SIAH3: variants seen among roughly 807,000 people sequenced by gnomAD.
SIAH3 encodes seven in absentia homolog 3.
SIAH3 carries 9 observed loss-of-function variants against 12.6 expected under a neutral mutation model. The observed-to-expected ratio is 0.72, with a 90% CI of 0.43 to 1.25. SIAH3 has a LOEUF of 1.25. Among genes scored for constraint, SIAH3 ranks in the 50% most tolerant of loss-of-function variants. The probability of loss-of-function intolerance (pLI) is 0.00; values close to 1 mark genes in which losing one functional copy is unlikely to be tolerated. For synonymous variants in SIAH3, 154 were observed against 151.1 expected, an observed-to-expected ratio of 1.02 and a Z score of -0.14; for missense variants, 390 against 365.4, an observed-to-expected ratio of 1.07 and a Z score of -0.55.
chr13:45,801,330 C>A (rs916221392), intron 1 of SIAH3, among the ~76,000 whole-genome samples: 2 of 152,218 alleles, frequency 1.3e-5, no homozygotes, highest in East Asian at 1.9e-4. Context: ...GAGAGGTGAG[C>A]ACTCCTGGAA....
chr13:45,838,564 C>T (rs1034569685), intron 1 of SIAH3, among the ~76,000 whole-genome samples: 2 of 152,228 alleles, frequency 1.3e-5, no homozygotes, highest in East Asian at 1.9e-4. Flanking sequence ...CAGGCCACCA[C>T]GCTGGGGGGC....
At chr13:45,795,911 T>A (rs1950560906) in intron 1 of SIAH3, among the ~76,000 whole-genome samples, 1 of 150,162 alleles carries the variant, frequency 6.7e-6, no homozygotes, top group South Asian at 2.1e-4. Flanking sequence ...GAGCTACTGC[T>A]ATACCCAACA....
chr13:45,798,634 C>G (rs1295390472), intron 1 of SIAH3, among the ~76,000 whole-genome samples: 2 of 152,190 alleles, frequency 1.3e-5, no homozygotes, highest in Non-Finnish European at 2.9e-5. Context: ...TTAGAACCGT[C>G]CAGATGAGGC....
At chr13:45,784,246 T>TG (rs567580658) in intron 1 of SIAH3, among the ~76,000 whole-genome samples, 189 bp from the exon 2 acceptor site, 2 of 151,062 alleles carry the variant, frequency 1.3e-5, no homozygotes, top group African/African-American at 2.4e-5. Context: ...CGCCTTGGGG[T>TG]GGGGGGTGTT....
chr13:45,798,827 C>G (rs533603165), intron 1 of SIAH3, among the ~76,000 whole-genome samples: 2 of 152,334 alleles, frequency 1.3e-5, no homozygotes, highest in African/African-American at 4.8e-5. Context: ...CAAAGTTTAT[C>G]TTTAAACTGG....
At chr13:45,834,369 A>C (rs181443105) in intron 1 of SIAH3, among the ~76,000 whole-genome samples, 1 of 152,314 alleles carries the variant, frequency 6.6e-6, no homozygotes, top group Admixed American at 6.5e-5. Flanking sequence ...AATCACACAG[A>C]CCTGCTTACT....
intron 1 of SIAH3, among the ~76,000 whole-genome samples, chr13:45,845,715 T>A (rs932286561): frequency 2.6e-5 from 4 of 152,204 alleles, no homozygotes; most frequent in East Asian, 3.8e-4. Context: ...TTAAAATTTT[T>A]AAATTTTTTT....
chr13:45,846,281 G>A (rs1265648372), intron 1 of SIAH3, among the ~76,000 whole-genome samples: 1 of 151,770 alleles, frequency 6.6e-6, no homozygotes, highest in African/African-American at 2.4e-5. Flanking sequence ...GTAGAGTGTG[G>A]GTTTTACCAT....
intron 1 of SIAH3, among the ~76,000 whole-genome samples, chr13:45,847,973 G>T (rs930194017): frequency 1.3e-5 from 2 of 152,112 alleles, no homozygotes; most frequent in Admixed American, 6.6e-5. Flanking sequence ...TGGGGCAAAA[G>T]AAGGCAGGGC....
rs2137542855 is a variant in SIAH3, at chr13:45,777,991, T to C, written c.*5392A>G. On this transcript the variant is annotated 3_prime_UTR_variant, in exon 2 of 2. Coordinates refer to ENST00000400405, the MANE Select transcript of SIAH3 (RefSeq NM_198849.3). ...GCCCCAGATTTAGAAAGAGTATTGG[T>C]CTGGGTAGGCTATGGATTGTGAACA... 1 of 152,292 alleles carries C rather than the reference T, an allele frequency of 6.6e-6. No homozygotes were observed. Among genetic ancestry groups the C allele is most frequent in the South Asian group, 2.1e-4 (1 of 4,826 alleles). The allele number at this position is 152,292 out of a possible 1,614,324, so 9.4% of individuals were successfully genotyped here.
At chr13:45,836,078 C>T (rs905251954) in intron 1 of SIAH3, among the ~76,000 whole-genome samples, 40 of 152,212 alleles carry the variant, frequency 2.6e-4, no homozygotes, top group African/African-American at 8.7e-4. Context: ...GATAGGGACA[C>T]GGATATGCAA....
rs1950514632 is a variant in SIAH3, at chr13:45,783,739, CG to C, written c.453del (p.Ala152ArgfsTer20). On this transcript the variant is annotated frameshift_variant, in exon 2 of 2. Coordinates refer to ENST00000400405, the MANE Select transcript of SIAH3 (RefSeq NM_198849.3). LOFTEE classifies it high-confidence loss of function. ...IVFLATDMHL[P>X]APADWIIMHS... ...TGCATGATGATCCAATCAGCCGGCG[CG>C]GGGAGGTGCATGTCCGTGGCCAGGA... 4.3e-6 allele frequency: 7 copies of C among 1,614,018 alleles called. No individual in the cohort carries two copies. Among genetic ancestry groups the C allele is most frequent in the Non-Finnish European group, 8.5e-7 (1 of 1,180,012 alleles).
At chr13:45,831,557 G>A (rs1950699334) in intron 1 of SIAH3, among the ~76,000 whole-genome samples, 2 of 152,196 alleles carry the variant, frequency 1.3e-5, no homozygotes, top group East Asian at 3.8e-4. Context: ...GGAAGCTATG[G>A]TGGGCAAGGC....
intron 1 of SIAH3, among the ~76,000 whole-genome samples, chr13:45,804,340 T>G (rs1030889404): frequency 6.6e-6 from 1 of 152,148 alleles, no homozygotes; most frequent in African/African-American, 2.4e-5. Flanking sequence ...ACATATTATA[T>G]AATTCTATTT....
In SIAH3 at chr13:45,851,481, A is replaced by T; in HGVS notation, c.135+14T>A. On this transcript the variant is annotated intron_variant, in intron 1 of 1. Coordinates refer to ENST00000400405, the MANE Select transcript of SIAH3 (RefSeq NM_198849.3). ...ACCTGAGCCCGGTGAAGGTAAAATG[A>T]CACAGAGACTCACCTTTAGGTTGTG... 1 of 1,613,864 alleles carries T rather than the reference A, an allele frequency of 6.2e-7. No individual in the cohort carries two copies. Among genetic ancestry groups the T allele is most frequent in the Non-Finnish European group, 8.5e-7 (1 of 1,179,904 alleles).
chr13:45,839,396 G>T (rs7986424), intron 1 of SIAH3, among the ~76,000 whole-genome samples: 22,534 of 151,994 alleles, frequency 0.15, 2,933 homozygotes, highest in East Asian at 0.39. Flanking sequence ...TTTCAGACAT[G>T]TTTGTCCACC....
intron 1 of SIAH3, among the ~76,000 whole-genome samples, chr13:45,815,236 A>C (rs1950630171): frequency 6.6e-6 from 1 of 152,046 alleles, no homozygotes; most frequent in African/African-American, 2.4e-5. Context: ...GCTAAATGTT[A>C]CTATGAAGGT....
chr13:45,798,969 T>C (rs1321891791), intron 1 of SIAH3, among the ~76,000 whole-genome samples: 2 of 152,224 alleles, frequency 1.3e-5, no homozygotes, highest in Non-Finnish European at 2.9e-5. Flanking sequence ...CCATCCCAGA[T>C]CTACTAATGT....
chr13:45,842,042 G>C (rs576528147), intron 1 of SIAH3, among the ~76,000 whole-genome samples: 1 of 152,188 alleles, frequency 6.6e-6, no homozygotes, highest in Non-Finnish European at 1.5e-5. Flanking sequence ...TCATCCCCTT[G>C]AGCCACATTT....
Sources: gnomAD v4.1 joint callset for allele counts (sites outside exome capture counted in the v4.1 genomes callset) on GRCh38, gnomAD v4.1.1 for gene constraint, MANE v1.5 for transcripts, NCBI Gene and HGNC (gene_info 2026-07-23, HGNC 2026-07-21) for gene names.